METTL6: variants seen among roughly 807,000 people sequenced by gnomAD.
METTL6 encodes the protein methyltransferase 6, tRNA N3-cytidine, also known as tRNA N(3)-cytidine methyltransferase METTL6.
METTL6 carries 22 observed loss-of-function variants against 26.4 expected under a neutral mutation model. The observed-to-expected ratio is 0.83, with a 90% confidence interval of 0.59 to 1.19. The LOEUF (loss-of-function observed/expected upper bound fraction) is 1.19, where lower values mean the gene tolerates loss of function less well. METTL6 is among the 50% of genes most tolerant of loss of function. The pLI is 0.00. For missense variants in METTL6, 304 were observed against 324.8 expected (o/e 0.94, Z 0.49); for synonymous variants, 109 against 116.2 (o/e 0.94, Z 0.40).
chr3:15,383,487 A>G (rs1383477803), exon 7 of METTL6: 1 of 151,536 alleles, frequency 6.6e-6, no homozygotes, highest in Non-Finnish European at 1.5e-5. Flanking sequence ...GGCTCAAGCA[A>G]TCTTCCTGCC....
At chr3:15,388,527 TAA>T (rs1299838165) in intron 6 of METTL6, among the ~76,000 whole-genome samples, 1 of 152,146 alleles carries the variant, frequency 6.6e-6, no homozygotes, top group African/African-American at 2.4e-5. Flanking sequence ...CTTCTTGCAC[TAA>T]GTCAGTTCCT....
In METTL6 at chr3:15,426,480, G is replaced by A. The variant is rs200920863; in HGVS notation, c.32C>T (p.Ala11Val). Residue 11 changes from alanine (A) to valine (V), a missense_variant, in exon 2 of 6, where the codon GCA becomes GTA. Physicochemically the swap from Ala to Val is moderately conservative, Grantham distance 64. Coordinates refer to ENST00000383790, the MANE Select transcript of METTL6 (RefSeq NM_152396.4). ...CTCTTCTTCAGAGGTGAGAATCCTTGCCTGCAGCCCTTTCCTTTGCAAAGA... is the reference window on the plus strand; with the variant it reads ...CTCTTCTTCAGAGGTGAGAATCCTTACCTGCAGCCCTTTCCTTTGCAAAGA... MASLQRKGLQARILTSEEEEK... is the reference protein window; with the variant it reads MASLQRKGLQVRILTSEEEEK... 5 of 1,614,050 alleles carry A rather than the reference G, an allele frequency of 3.1e-6. No homozygotes were observed. Among genetic ancestry groups the A allele is most frequent in the Admixed American group, 1.7e-5 (1 of 60,018 alleles).
intron 6 of METTL6, among the ~76,000 whole-genome samples, chr3:15,387,918 T>C (rs1459710885): frequency 6.6e-6 from 1 of 151,902 alleles, no homozygotes; most frequent in Non-Finnish European, 1.5e-5. Context: ...GCTCATGTGA[T>C]CCTCTTGTAA....
At chr3:15,418,103 C>G (rs972905814) in intron 3 of METTL6, among the ~76,000 whole-genome samples, 4 of 152,170 alleles carry the variant, frequency 2.6e-5, no homozygotes, top group Non-Finnish European at 5.9e-5. Flanking sequence ...GTTACAAATC[C>G]CTATCCCTCA....
chr3:15,415,604 G>C (rs1418662239), intron 4 of METTL6, 168 bp downstream of exon 4: 1 of 1,608,198 alleles, frequency 6.2e-7, no homozygotes, highest in African/African-American at 1.3e-5. Context: ...CAGAATTTAG[G>C]GTGGATGTTT....
At chr3:15,382,327 T>C (rs12494163) in exon 7 of METTL6, 55,764 of 151,970 alleles carry the variant, frequency 0.37, 10,586 homozygotes, top group East Asian at 0.47. Context: ...CTATTTCTGC[T>C]TAAATCATCT....
chr3:15,381,901 A>G (rs1699089269), exon 7 of METTL6: 1 of 152,190 alleles, frequency 6.6e-6, no homozygotes, highest in Non-Finnish European at 1.5e-5. Context: ...AGAACAAAAA[A>G]AAAGTATGGC....
At position 15,409,982 on chromosome 3, in the gene METTL6, TAC is replaced by T. The variant is rs1032685834; in HGVS notation, c.*1272_*1273del. ...CTGACATGTTGCCTGGGGGAACACT[TAC>T]AGTCACATGAGTAATGACAAGAATC... On this transcript the variant is annotated 3_prime_UTR_variant, in exon 6 of 6. Transcript: ENST00000383790. Among the ~76,000 whole-genome samples, 23 of 152,332 alleles carry T rather than the reference TAC, an allele frequency of 1.5e-4. No individual in the cohort carries two copies. The highest frequency in any genetic ancestry group is 5.1e-4 in the African/African-American group (21 of 41,574).
intron 6 of METTL6, among the ~76,000 whole-genome samples, chr3:15,385,352 C>T (rs1477483655): frequency 6.6e-6 from 1 of 152,188 alleles, no homozygotes; most frequent in African/African-American, 2.4e-5. Flanking sequence ...AATCTCAGCG[C>T]TTTGGGAGGC....
At chr3:15,406,576 A>C (rs1458365401), downstream of METTL6, among the ~76,000 whole-genome samples, 10 of 139,916 alleles carry the variant, frequency 7.1e-5, no homozygotes, top group Non-Finnish European at 1.2e-4. Flanking sequence ...GAAAAAAAAA[A>C]AACAAACAGT....
Position 15,410,630 on chromosome 3 carries a change from T to C in METTL6, c.*626A>G, listed in dbSNP as rs1252833899. On this transcript the variant is annotated 3_prime_UTR_variant, in exon 6 of 6. Transcript: ENST00000383790. ...CTCAAAATATCTTAAGAAAAGTAACTGACTGCAGTTGAAAACAGGTAATTG... is the reference window on the plus strand; with the variant it reads ...CTCAAAATATCTTAAGAAAAGTAACCGACTGCAGTTGAAAACAGGTAATTG... Among the ~76,000 whole-genome samples, 1 of 152,078 alleles carries C rather than the reference T, an allele frequency of 6.6e-6. No individual in the cohort carries two copies. Among genetic ancestry groups the C allele is most frequent in the Non-Finnish European group, 1.5e-5 (1 of 68,022 alleles).
rs535856188 is a variant in METTL6 at position 15,426,290 on chromosome 3, T to C, written c.222A>G (p.Arg74=). The C allele has an allele frequency of 6.2e-7, 1 of 1,613,392 alleles. No homozygotes were observed. The highest frequency in any genetic ancestry group is 1.3e-5 in the African/African-American group (1 of 75,026). The change falls in exon 2 of 6, where the codon AGA becomes AGG. Residue 74 remains arginine (R), a synonymous_variant. Coordinates refer to ENST00000383790, the MANE Select transcript of METTL6 (RefSeq NM_152396.4). ...ATAAGGCGTAATATTAGCTTACCTC[T>C]CTACATGATCTTAGCTCCTCAAACT... ...TREFEELRSC[R]EFEDQKLTML...
intron 4 of METTL6, chr3:15,414,934 A>G (rs73142299): frequency 0.056 from 64,904 of 1,150,334 alleles, 2,984 homozygotes; most frequent in African/African-American, 0.24. Context: ...AAATAAATAA[A>G]TAAGTGTTAG....
chr3:15,408,959 T>C (rs1699874947), downstream of METTL6, among the ~76,000 whole-genome samples: 2 of 152,002 alleles, frequency 1.3e-5, no homozygotes, highest in African/African-American at 4.8e-5. Context: ...GGAGGGGGCT[T>C]TGGGAGACAG....
chr3:15,390,070 G>T (rs1300867927), intron 6 of METTL6, among the ~76,000 whole-genome samples: 1 of 151,956 alleles, frequency 6.6e-6, no homozygotes, highest in Non-Finnish European at 1.5e-5. Flanking sequence ...ACACTTGTCA[G>T]ATAGTGAAAA....
At chr3:15,400,704 T>C (rs998491507) in intron 6 of METTL6, among the ~76,000 whole-genome samples, 5 of 152,154 alleles carry the variant, frequency 3.3e-5, no homozygotes, top group African/African-American at 1.2e-4. Context: ...TAAAGGGTCA[T>C]TACAGAAAAC....
rs373008521 is a variant in METTL6 at position 15,426,251 on chromosome 3, G to A, written c.225+36C>T. 396 of 1,591,262 alleles carry A rather than the reference G, an allele frequency of 2.5e-4. 3 individuals carry two copies. The highest frequency in any genetic ancestry group is 2.4e-3 in the Middle Eastern group (14 of 5,756). The stretch of plus-strand genomic sequence containing the variant: ...ATGGCACCCTCTTCACATTTTAAAT[G>A]AAGAACAGCTCAGATAAGGCGTAAT... On this transcript the variant is annotated intron_variant, in intron 2 of 5. Coordinates refer to ENST00000383790, the MANE Select transcript of METTL6 (RefSeq NM_152396.4).
rs377132324 is a variant in METTL6, at chr3:15,427,497, C to G, written c.-220G>C. The G allele has an allele frequency of 2.4e-4, 121 of 494,232 alleles. No individual in the cohort carries two copies. The highest frequency in any genetic ancestry group is 1.5e-3 in the African/African-American group (77 of 50,070). The allele number at this position is 494,232 out of a possible 1,614,324, so 30.6% of individuals were successfully genotyped here. On this transcript the variant is annotated 5_prime_UTR_variant, in exon 1 of 6. Transcript: ENST00000383790. ...CTGAGGACCACGAATTCGGATTATCCGGGAGTTCTTTTGCCATGGCACCGC... is the reference window on the plus strand; with the variant it reads ...CTGAGGACCACGAATTCGGATTATCGGGGAGTTCTTTTGCCATGGCACCGC...
intron 2 of METTL6, among the ~76,000 whole-genome samples, chr3:15,425,795 C>T (rs996495355): frequency 2.6e-5 from 4 of 152,190 alleles, no homozygotes; most frequent in African/African-American, 9.7e-5. Flanking sequence ...GTTCTCTCTC[C>T]TATATGTTAA....
Sources: gnomAD v4.1 joint callset for allele counts (sites outside exome capture counted in the v4.1 genomes callset) on GRCh38, gnomAD v4.1.1 for gene constraint, MANE v1.5 for transcripts, NCBI Gene and HGNC (gene_info 2026-07-23, HGNC 2026-07-21) for gene names.